The following MAGI2 variants were observed in gnomAD, a reference collection of about 807,000 sequenced individuals.
MAGI2 encodes the protein membrane-associated guanylate kinase, WW and PDZ domain-containing protein 2.
A neutral mutation model predicts 133.3 loss-of-function variants in MAGI2; 35 were observed. The observed-to-expected ratio is 0.26, with a 90% CI of 0.20 to 0.35. The LOEUF is 0.35. MAGI2 is among the 10% of genes least tolerant of loss of function. MAGI2 has a pLI of 1.00. For synonymous variants in MAGI2, 729 were observed against 710.6 expected (o/e 1.03, Z -0.41); for missense variants, 1,636 against 1,863.4 (o/e 0.88, Z 2.25).
intron 6 of MAGI2, among the ~76,000 whole-genome samples, chr7:78,441,084 C>T (rs1787576781): frequency 6.6e-6 from 1 of 152,128 alleles, no homozygotes; most frequent in Non-Finnish European, 1.5e-5. Context: ...AGTCCTCCTC[C>T]CCTTTGTAAT....
chr7:78,686,400 A>G (rs1816320322), intron 2 of MAGI2, among the ~76,000 whole-genome samples: 1 of 152,052 alleles, frequency 6.6e-6, no homozygotes, highest in Admixed American at 6.6e-5. Context: ...GCTACCTTTC[A>G]ATCAGCCCTT....
At chr7:78,595,942 T>C (rs1296985340) in intron 3 of MAGI2, among the ~76,000 whole-genome samples, 1 of 152,150 alleles carries the variant, frequency 6.6e-6, no homozygotes, top group African/African-American at 2.4e-5. Flanking sequence ...AATTCAGCTC[T>C]CTTTTGGTAG....
intron 5 of MAGI2, among the ~76,000 whole-genome samples, chr7:78,499,095 C>T (rs1794393024): frequency 6.7e-6 from 1 of 149,522 alleles, no homozygotes; most frequent in Admixed American, 6.6e-5. Flanking sequence ...CAAAATGCCA[C>T]TCCTTTGCTT....
intron 2 of MAGI2, among the ~76,000 whole-genome samples, chr7:78,656,647 C>T (rs190990251): frequency 6.6e-6 from 1 of 152,206 alleles, no homozygotes; most frequent in Non-Finnish European, 1.5e-5. Flanking sequence ...GAGTAGACTT[C>T]AGGTGCTCTC....
chr7:78,046,233 T>TAAAAA (rs59275049), intron 21 of MAGI2, among the ~76,000 whole-genome samples: 5 of 117,772 alleles, frequency 4.2e-5, no homozygotes, highest in Non-Finnish European at 7.2e-5. Context: ...CTGTCTCTAC[T>TAAAAA]AAAAAAAAAA....
intron 2 of MAGI2, among the ~76,000 whole-genome samples, chr7:78,830,092 A>G (rs553264236): frequency 3.7e-4 from 57 of 152,066 alleles, no homozygotes; most frequent in Non-Finnish European, 6.8e-4. Flanking sequence ...TTTTTCTTTT[A>G]TAACTTTCAT....
intron 3 of MAGI2, chr7:78,617,307 C>T (rs1188313617): frequency 6.6e-6 from 1 of 152,038 alleles, no homozygotes; most frequent in African/African-American, 2.4e-5. Flanking sequence ...TTTGTTGTAA[C>T]TTATAATTTA....
intron 2 of MAGI2, among the ~76,000 whole-genome samples, chr7:78,653,116 A>T (rs925109039): frequency 3.3e-4 from 51 of 152,336 alleles, no homozygotes; most frequent in African/African-American, 1.1e-3. Flanking sequence ...AATGGCGATC[A>T]TTAAAAAGTC....
chr7:78,890,016 A>G (rs1796609338), intron 2 of MAGI2, among the ~76,000 whole-genome samples: 1 of 152,226 alleles, frequency 6.6e-6, no homozygotes, highest in South Asian at 2.1e-4. Context: ...TAGGCTCAAA[A>G]TAAAGGGATG....
At chr7:78,891,297 G>A (rs139606340) in intron 2 of MAGI2, among the ~76,000 whole-genome samples, 3,829 of 152,202 alleles carry the variant, frequency 0.025, 71 homozygotes, top group Middle Eastern at 0.051. Flanking sequence ...TCTACCAAAG[G>A]TACAAGGAGG....
At chr7:78,368,924 C>T (rs758709716) in intron 7 of MAGI2, among the ~76,000 whole-genome samples, 3 of 151,948 alleles carry the variant, frequency 2.0e-5, no homozygotes, top group Non-Finnish European at 4.4e-5. Context: ...CAGTGTGAAA[C>T]ACACTTTTTC....
chr7:78,423,262 T>A (rs1408299434), intron 6 of MAGI2, among the ~76,000 whole-genome samples: 1 of 151,828 alleles, frequency 6.6e-6, no homozygotes, highest in Non-Finnish European at 1.5e-5. Flanking sequence ...AAAATGGGAG[T>A]TTTCCTGCAC....
At chr7:79,230,642 T>C (rs1382234100) in intron 1 of MAGI2, among the ~76,000 whole-genome samples, 4 of 150,378 alleles carry the variant, frequency 2.7e-5, no homozygotes, top group Middle Eastern at 3.5e-3. Flanking sequence ...TGGGGTTGTT[T>C]GTTTTTTTCT....
At chr7:78,570,204 C>T (rs1247140035) in intron 3 of MAGI2, among the ~76,000 whole-genome samples, 1 of 152,122 alleles carries the variant, frequency 6.6e-6, no homozygotes, top group Non-Finnish European at 1.5e-5. Flanking sequence ...GAGATATTGC[C>T]AAACAAGTCT....
chr7:78,334,442 G>A (rs1789541610), intron 9 of MAGI2, among the ~76,000 whole-genome samples: 1 of 152,192 alleles, frequency 6.6e-6, no homozygotes, highest in African/African-American at 2.4e-5. Context: ...ACTGCTCATA[G>A]TCCAACATCC....
intron 6 of MAGI2, among the ~76,000 whole-genome samples, chr7:78,374,029 CT>C (rs1436802871): frequency 6.6e-6 from 1 of 152,084 alleles, no homozygotes; most frequent in Non-Finnish European, 1.5e-5. Flanking sequence ...TTCCATGTCT[CT>C]GCTATTGTAA....
chr7:78,824,948 C>T (rs1790488168), intron 2 of MAGI2, among the ~76,000 whole-genome samples: 1 of 152,094 alleles, frequency 6.6e-6, no homozygotes, highest in Non-Finnish European at 1.5e-5. Flanking sequence ...CCATCATTCT[C>T]AGCAAACTAA....
intron 3 of MAGI2, among the ~76,000 whole-genome samples, chr7:78,566,617 G>C (rs1313772697): frequency 6.6e-6 from 1 of 151,394 alleles, no homozygotes; most frequent in African/African-American, 2.4e-5. Context: ...GGAGAAAGGA[G>C]ATGCTTACAT....
intron 1 of MAGI2, among the ~76,000 whole-genome samples, chr7:79,318,593 T>C (rs1036546357): frequency 6.6e-6 from 1 of 152,130 alleles, no homozygotes; most frequent in Non-Finnish European, 1.5e-5. Flanking sequence ...AAATTTTTAC[T>C]CCGACCTAAT....
Sources: gnomAD v4.1 joint callset for allele counts (sites outside exome capture counted in the v4.1 genomes callset) on GRCh38, gnomAD v4.1.1 for gene constraint, MANE v1.5 for transcripts, NCBI Gene and HGNC (gene_info 2026-07-23, HGNC 2026-07-21) for gene names.